Variants in DIS3L2 observed in about 807,000 individuals in gnomAD.
DIS3L2 encodes the protein DIS3-like exonuclease 2.
Under a neutral mutation model 97.5 loss-of-function variants are expected in DIS3L2, and 34 were observed. The observed-to-expected ratio is 0.35, with a 90% CI of 0.27 to 0.46. The LOEUF (loss-of-function observed/expected upper bound fraction) is 0.46, where lower values mean the gene tolerates loss of function less well. Among genes scored for constraint, DIS3L2 ranks in the 20% least tolerant of loss-of-function variants. The probability of loss-of-function intolerance (pLI) is 1.00; values close to 1 mark genes in which losing one functional copy is unlikely to be tolerated. For missense variants in DIS3L2, 1,038 were observed against 1,146.0 expected, an observed-to-expected ratio of 0.91 and a Z score of 1.36; for synonymous variants, 435 against 445.2, an observed-to-expected ratio of 0.98 and a Z score of 0.29.
chr2:232,293,359 C>G lies in DIS3L2; in HGVS notation c.1660-6681C>G, dbSNP rs1355015374. On this transcript the variant is annotated intron_variant, in intron 13 of 20. Transcript: ENST00000325385. The surrounding 1 kb of genome is among the most constrained non-coding windows in gnomAD (Gnocchi z 4.6). ...CCTGCTGTGACAGTGATAAGGACAC[C>G]GATTGCCCAGGAGACCTGGTGAAGC... Among the ~76,000 whole-genome samples, 1 of 152,134 alleles carries G rather than the reference C, an allele frequency of 6.6e-6. No individual in the cohort carries two copies. The highest frequency in any genetic ancestry group is 2.4e-5 in the African/African-American group (1 of 41,434).
intron 13 of DIS3L2, among the ~76,000 whole-genome samples, chr2:232,290,627 CAGAA>C (rs1694575593): frequency 6.6e-6 from 1 of 152,182 alleles, no homozygotes; most frequent in East Asian, 1.9e-4. Context: ...TTTTTCTTCT[CAGAA>C]AGTAAAACCT....
chr2:232,324,513 G>A (rs1423871374), intron 14 of DIS3L2, among the ~76,000 whole-genome samples: 2 of 152,066 alleles, frequency 1.3e-5, no homozygotes, highest in Non-Finnish European at 2.9e-5. Flanking sequence ...CCTCTGCCCC[G>A]GCTCCCGCTC....
At position 232,333,967 on chromosome 2, in the gene DIS3L2, G is replaced by A. The variant is rs780396185; in HGVS notation, c.2138G>A (p.Arg713His). 3.1e-6 allele frequency: 5 copies of A among 1,612,014 alleles called. No homozygotes were observed. The highest frequency in any genetic ancestry group is 2.2e-5 in the East Asian group (1 of 44,850). ...CGCTTTGCCGACGTCCTGGTGCACCGCCTCCTGGCTGCCGCGTTAGGTGAG... is the reference window on the plus strand; with the variant it reads ...CGCTTTGCCGACGTCCTGGTGCACCACCTCCTGGCTGCCGCGTTAGGTGAG... ...IRRFADVLVH[R>H]LLAAALGYRE... The change falls in exon 17 of 21, where the codon CGC becomes CAC. Residue 713 changes from arginine to histidine, a missense_variant. Arg to His is a conservative substitution (Grantham distance 29). Coordinates refer to ENST00000325385, the MANE Select transcript of DIS3L2 (RefSeq NM_152383.5).
intron 6 of DIS3L2, among the ~76,000 whole-genome samples, chr2:232,124,244 A>G (rs1032516317): frequency 1.3e-5 from 2 of 152,142 alleles, no homozygotes; most frequent in African/African-American, 2.4e-5. Flanking sequence ...ATATCATCAG[A>G]TACTAGAATC....
intron 5 of DIS3L2, among the ~76,000 whole-genome samples, chr2:232,086,367 GTATATGTATATGTATA>G (rs1696617186): frequency 7.4e-6 from 1 of 134,514 alleles, no homozygotes; most frequent in Non-Finnish European, 1.6e-5. Context: ...ATGTGTATAT[GTATATGTATATGTATA>G]TGTATATGTA....
At chr2:231,997,567 C>A (rs889311401) in intron 1 of DIS3L2, among the ~76,000 whole-genome samples, 4 of 152,106 alleles carry the variant, frequency 2.6e-5, no homozygotes, top group Non-Finnish European at 4.4e-5. Flanking sequence ...AGGGGTATAT[C>A]AAAATTGTCA....
At chr2:232,132,246 G>A (rs1248043412) in intron 7 of DIS3L2, among the ~76,000 whole-genome samples, 3 of 152,096 alleles carry the variant, frequency 2.0e-5, no homozygotes, top group Admixed American at 6.6e-5. Flanking sequence ...ACTTGCCTGC[G>A]AAACTTATGC....
chr2:232,021,505 G>A (rs964788117), intron 3 of DIS3L2, among the ~76,000 whole-genome samples: 2 of 151,896 alleles, frequency 1.3e-5, no homozygotes, highest in African/African-American at 4.8e-5. Flanking sequence ...GGCTGTGAAC[G>A]TGGGAGAGAG....
chr2:232,249,228 T>C lies in DIS3L2; in HGVS notation c.1318-11T>C, dbSNP rs754223196. ...GAGAAAGGTGCTCATGGGCCTGTGC[T>C]CTATTTACAGGTGGTCCCCATGCTT... is the stretch of plus-strand genomic sequence containing the variant. On this transcript the variant is annotated splice_polypyrimidine_tract_variant and intron_variant, in intron 11 of 20. Transcript: ENST00000325385. 3 of 1,613,214 alleles carry C rather than the reference T, an allele frequency of 1.9e-6. No individual in the cohort carries two copies. The Admixed American group carries it at 5.0e-5, about 27-fold the overall frequency.
chr2:232,036,755 GTTCTTC>G (rs1443178614), intron 5 of DIS3L2, among the ~76,000 whole-genome samples: 1 of 152,170 alleles, frequency 6.6e-6, no homozygotes, highest in Admixed American at 6.5e-5. Context: ...CTGTTTGTTA[GTTCTTC>G]TTCTAACAGT....
At position 232,165,151 on chromosome 2, in the gene DIS3L2, C is replaced by T. The variant is rs11678381; in HGVS notation, c.1124+1519C>T. 2.9e-3 allele frequency among the ~76,000 whole-genome samples: 434 copies of T among 152,258 alleles called. 1 individual carries two copies. Among genetic ancestry groups the T allele is most frequent in the Non-Finnish European group, 4.7e-3 (323 of 68,022 alleles). On this transcript the variant is annotated intron_variant, in intron 9 of 20. Coordinates refer to ENST00000325385, the MANE Select transcript of DIS3L2 (RefSeq NM_152383.5). ...AAACATTAAAGACACTGCTAATGTC[C>T]ATTAATAAAGGAATGGTTTAGTAAC...
At chr2:232,163,765 C>T (rs1346209711) in intron 9 of DIS3L2, 133 bp downstream of exon 9, 2 of 1,002,176 alleles carry the variant, frequency 2.0e-6, no homozygotes, top group Non-Finnish European at 2.8e-6. Flanking sequence ...GCTTCTGTAC[C>T]ACAGTTGGCA....
At position 232,325,991 on chromosome 2, in the gene DIS3L2, C is replaced by T. The variant is rs1001389451; in HGVS notation, c.1740-3822C>T. On this transcript the variant is annotated intron_variant, in intron 14 of 20. Transcript: ENST00000325385. The surrounding 1 kb of genome is among the most constrained non-coding windows in gnomAD (Gnocchi z 4.6). ...GGCCCAGAGTGTGGAGCGGCTCAAC[C>T]TGACCACCCAGGATAGCTTGGGGGC... 2.6e-5 allele frequency among the ~76,000 whole-genome samples: 4 copies of T among 151,392 alleles called. No individual in the cohort carries two copies. Among genetic ancestry groups the T allele is most frequent in the Admixed American group, 2.6e-4 (4 of 15,216 alleles).
intron 6 of DIS3L2, 139 bp from the exon 7 acceptor site, chr2:232,130,480 C>T (rs985223747): frequency 1.2e-5 from 11 of 937,448 alleles, no homozygotes; most frequent in East Asian, 5.4e-5. Context: ...GGTCCACTGG[C>T]GGCCTGGGGT....
intron 14 of DIS3L2, among the ~76,000 whole-genome samples, chr2:232,300,789 A>G (rs935077607): frequency 3.3e-5 from 5 of 151,556 alleles, no homozygotes; most frequent in African/African-American, 1.2e-4. Context: ...AGTACCTGGT[A>G]CTACAGGTGC....
intron 9 of DIS3L2, among the ~76,000 whole-genome samples, chr2:232,193,165 G>A (rs560213780): frequency 2.6e-5 from 4 of 152,274 alleles, no homozygotes; most frequent in South Asian, 4.1e-4. Context: ...AGATTATTCC[G>A]TTTTGACTTT....
At chr2:232,233,180 C>T (rs1692842929) in intron 10 of DIS3L2, among the ~76,000 whole-genome samples, 1 of 152,210 alleles carries the variant, frequency 6.6e-6, no homozygotes, top group South Asian at 2.1e-4. Context: ...TCCATTCAGG[C>T]TGCTATAACA....
In DIS3L2 at chr2:232,015,292, C is replaced by T. The variant is rs530116495; in HGVS notation, c.53-222C>T. Reference sequence around the variant, plus strand: ...CTCATTATTCAGATTATGTTCCATGCGTGTTGTTGTGCTGATTTAAAACTC... The same window carrying T: ...CTCATTATTCAGATTATGTTCCATGTGTGTTGTTGTGCTGATTTAAAACTC... On this transcript the variant is annotated intron_variant, in intron 2 of 20. Coordinates refer to ENST00000325385, the MANE Select transcript of DIS3L2 (RefSeq NM_152383.5). 3.9e-5 allele frequency among the ~76,000 whole-genome samples: 6 copies of T among 152,222 alleles called. No individual in the cohort carries two copies. In the South Asian group the frequency reaches 6.2e-4, roughly 16 times the overall value.
rs141140199 is a variant in DIS3L2 at position 232,108,388 on chromosome 2, A to G, written c.601+20667A>G. Reference sequence around the variant, plus strand: ...GGGGAACATACCTCAAAATAATGAGAGCTATTTATGACAAACCCATAGCTA... The same window carrying G: ...GGGGAACATACCTCAAAATAATGAGGGCTATTTATGACAAACCCATAGCTA... On this transcript the variant is annotated intron_variant, in intron 6 of 20. Transcript: ENST00000325385. Among the ~76,000 whole-genome samples, 10 of 152,340 alleles carry G rather than the reference A, an allele frequency of 6.6e-5. No homozygotes were observed. In the East Asian group the frequency reaches 7.7e-4, roughly 12 times the overall value.
Sources: allele counts gnomAD v4.1 joint callset (sites outside exome capture counted in the v4.1 genomes callset), GRCh38; gene constraint gnomAD v4.1.1; non-coding constraint Gnocchi (gnomAD v3.1); transcripts MANE v1.5; gene names NCBI Gene and HGNC (gene_info 2026-07-23, HGNC 2026-07-21).